The following AGK variants were observed in gnomAD, a reference collection of about 807,000 sequenced individuals.
AGK encodes acylglycerol kinase, also known as acylglycerol kinase, mitochondrial.
A neutral mutation model predicts 66.4 loss-of-function variants in AGK; 52 were observed. That is an observed-to-expected ratio of 0.78 (90% CI 0.63 to 0.99). The LOEUF (loss-of-function observed/expected upper bound fraction) is 0.99. Among genes scored for constraint, AGK ranks in the 50% least tolerant of loss-of-function variants. The pLI is 0.00. For missense variants in AGK, 451 were observed against 506.6 expected (o/e 0.89, Z 1.05); for synonymous variants, 182 against 181.1 (o/e 1.00, Z -0.04).
At chr7:141,610,371 G>A (rs1006452995) in intron 5 of AGK, among the ~76,000 whole-genome samples, 1 of 152,076 alleles carries the variant, frequency 6.6e-6, no homozygotes, top group Non-Finnish European at 1.5e-5. Context: ...TCAGTTGGAG[G>A]GAGTGTTTCC....
Position 141,586,672 on chromosome 7 carries a change from A to G in AGK, c.102-6474A>G, listed in dbSNP as rs115187600. ...AAAAAGGAAGGGATAAAATGATCCAATCCTTGAAGATGTAAAGTTCGTTGT... is the reference window on the plus strand; with the variant it reads ...AAAAAGGAAGGGATAAAATGATCCAGTCCTTGAAGATGTAAAGTTCGTTGT... On this transcript the variant is annotated intron_variant, in intron 2 of 15. Coordinates refer to ENST00000649286, the MANE Select transcript of AGK (RefSeq NM_018238.4). 8.5e-3 allele frequency among the ~76,000 whole-genome samples: 1,296 copies of G among 152,274 alleles called. 16 individuals are homozygous for G. The highest frequency in any genetic ancestry group is 0.03 in the African/African-American group (1,232 of 41,560).
At chr7:141,626,106 G>A (rs757382561) in intron 9 of AGK, among the ~76,000 whole-genome samples, 11 of 152,156 alleles carry the variant, frequency 7.2e-5, no homozygotes, top group South Asian at 4.1e-4. Context: ...TAGCCAAGGC[G>A]CTGTGAAGGA....
At chr7:141,637,627 A>G (rs1417742527) in intron 11 of AGK, among the ~76,000 whole-genome samples, 1 of 152,206 alleles carries the variant, frequency 6.6e-6, no homozygotes, top group Non-Finnish European at 1.5e-5. Context: ...TTAACTGTGG[A>G]CTACAGACTA....
intron 3 of AGK, among the ~76,000 whole-genome samples, 195 bp from the exon 4 acceptor site, chr7:141,596,367 T>G (rs1248717207): frequency 1.3e-5 from 2 of 152,192 alleles, no homozygotes; most frequent in Non-Finnish European, 2.9e-5. Context: ...AAATACAGCT[T>G]ATTGTCATTA....
intron 9 of AGK, 144 bp from the exon 10 acceptor site, chr7:141,633,757 G>A (rs1797110600): frequency 1.5e-6 from 1 of 679,212 alleles, no homozygotes; most frequent in African/African-American, 1.8e-5. Flanking sequence ...GCACTCACAG[G>A]GTTAATGTCT....
chr7:141,644,988 A>G lies in AGK; in HGVS notation c.975+3080A>G, dbSNP rs189952935. Among the ~76,000 whole-genome samples, 770 of 141,806 alleles carry G rather than the reference A, an allele frequency of 5.4e-3. 7 individuals are homozygous for G. Among genetic ancestry groups the G allele is most frequent in the African/African-American group, 0.02 (751 of 37,356 alleles). 93.0% of individuals were successfully genotyped at this position (141,806 alleles called of 152,430 possible). A position where few individuals can be genotyped will look rare whatever the true frequency, so the allele number is the denominator to read the frequency against. ...CTGCTTCTCTTATTATAGTTTTATA[A>G]TAAGTTCTATGTTTTTCTCTTTTTA... On this transcript the variant is annotated intron_variant, in intron 13 of 15. Transcript: ENST00000649286.
At chr7:141,589,687 A>G (rs1039913076) in intron 2 of AGK, among the ~76,000 whole-genome samples, 1 of 151,976 alleles carries the variant, frequency 6.6e-6, no homozygotes, top group South Asian at 2.1e-4. Context: ...CAGCCTCCCA[A>G]GTAGCTGGGA....
intron 5 of AGK, among the ~76,000 whole-genome samples, chr7:141,610,579 TAACAA>T (rs1220428352): frequency 6.6e-6 from 1 of 152,214 alleles, no homozygotes; most frequent in African/African-American, 2.4e-5. Flanking sequence ...TGTATGGTCA[TAACAA>T]AACAATAATA....
At chr7:141,572,599 T>G (rs975260213) in intron 2 of AGK, among the ~76,000 whole-genome samples, 1 of 152,194 alleles carries the variant, frequency 6.6e-6, no homozygotes, top group African/African-American at 2.4e-5. Context: ...TAGTTATCCC[T>G]CAATAAATGC....
chr7:141,650,473 GAAGTGAAATC>G (rs1234619337), intron 14 of AGK: 1 of 984,288 alleles, frequency 1.0e-6, no homozygotes, highest in Non-Finnish European at 1.2e-6. Context: ...TTCTCTACAG[GAAGTGAAATC>G]AAGTAATGTC....
intron 9 of AGK, among the ~76,000 whole-genome samples, chr7:141,632,564 T>G (rs911470556): frequency 6.6e-6 from 1 of 152,154 alleles, no homozygotes; most frequent in African/African-American, 2.4e-5. Context: ...CTCCACAGCT[T>G]CTAACTACTG....
At chr7:141,590,746 TTTG>T (rs1259523655) in intron 2 of AGK, among the ~76,000 whole-genome samples, 1 of 152,200 alleles carries the variant, frequency 6.6e-6, no homozygotes, top group East Asian at 1.9e-4. Context: ...CTTGTATATT[TTTG>T]TTGTTGTTAC....
At position 141,555,632 on chromosome 7, in the gene AGK, G is replaced by C; in HGVS notation, c.101+65G>C. On this transcript the variant is annotated intron_variant, in intron 2 of 15. Transcript: ENST00000649286. The surrounding 1 kb of genome is among the most constrained non-coding windows in gnomAD (Gnocchi z 4.2). ...GCAAAACAGCCCCAAAGGGCCTCAG[G>C]TTAAAATCTTGCTCAGCTGTGCTTA... 1 of 1,226,422 alleles carries C rather than the reference G, an allele frequency of 8.2e-7. No homozygotes were observed. The highest frequency in any genetic ancestry group is 1.2e-6 in the Non-Finnish European group (1 of 845,228). The allele number at this position is 1,226,422 out of a possible 1,614,324, so 76.0% of individuals were successfully genotyped here.
chr7:141,562,037 G>T, intron 2 of AGK: 1 of 456,220 alleles, frequency 2.2e-6, no homozygotes, highest in South Asian at 1.5e-5. Context: ...CTCAGCCATG[G>T]GTACCAGCAC....
chr7:141,601,372 CA>C, intron 5 of AGK, 92 bp downstream of exon 5: 1 of 972,962 alleles, frequency 1.0e-6, no homozygotes, highest in Admixed American at 2.3e-5. Context: ...TTGCTTGTCA[CA>C]AGAGCAAAGA....
At chr7:141,571,847 A>C (rs1795615906) in intron 2 of AGK, among the ~76,000 whole-genome samples, 1 of 152,170 alleles carries the variant, frequency 6.6e-6, no homozygotes, top group Non-Finnish European at 1.5e-5. Flanking sequence ...TTTTAGAACA[A>C]TGCCTGACAC....
chr7:141,564,995 G>A (rs1280549711), intron 2 of AGK, among the ~76,000 whole-genome samples: 3 of 152,082 alleles, frequency 2.0e-5, no homozygotes, highest in African/African-American at 4.8e-5. Flanking sequence ...CCAAAGGGCC[G>A]GGATTAAGGT....
chr7:141,591,442 A>G (rs1796116677), intron 2 of AGK, among the ~76,000 whole-genome samples: 1 of 152,064 alleles, frequency 6.6e-6, no homozygotes, highest in Admixed American at 6.5e-5. Context: ...TTCCCTGTGG[A>G]TGGTGTTCTC....
intron 2 of AGK, among the ~76,000 whole-genome samples, chr7:141,564,514 T>C (rs897890037): frequency 6.6e-6 from 1 of 152,184 alleles, no homozygotes; most frequent in Non-Finnish European, 1.5e-5. Flanking sequence ...ACCACTCCCA[T>C]GATTCAGTTA....
Sources: allele counts gnomAD v4.1 joint callset (sites outside exome capture counted in the v4.1 genomes callset), GRCh38; gene constraint gnomAD v4.1.1; non-coding constraint Gnocchi (gnomAD v3.1); transcripts MANE v1.5; gene names NCBI Gene and HGNC (gene_info 2026-07-23, HGNC 2026-07-21).